The following HMG20A variants were observed in gnomAD, a reference collection of about 807,000 sequenced individuals.
HMG20A encodes high mobility group 20A, also known as high mobility group protein 20A.
In HMG20A, 17 loss-of-function variants were observed where a neutral mutation model predicts 43.9. The observed-to-expected ratio is 0.39, with a 90% CI of 0.27 to 0.58. HMG20A has a LOEUF of 0.58. HMG20A is among the 20% of genes least tolerant of loss of function. The pLI is 0.59. For synonymous variants in HMG20A, 132 were observed against 147.5 expected (o/e 0.89, Z 0.76); for missense variants, 341 against 438.2 (o/e 0.78, Z 1.98).
chr15:77,424,980 C>T (rs747053091), intron 1 of HMG20A, among the ~76,000 whole-genome samples: 7 of 152,108 alleles, frequency 4.6e-5, no homozygotes, highest in Admixed American at 1.3e-4. Flanking sequence ...CTGTACTGCA[C>T]CCAGCATTAA....
chr15:77,467,014 G>A, intron 3 of HMG20A, 81 bp from the exon 4 acceptor site: 1 of 1,167,590 alleles, frequency 8.6e-7, no homozygotes, highest in Non-Finnish European at 1.2e-6. Flanking sequence ...GTTTGTTGTT[G>A]TTTGTTTTTG....
the HMG20A span, among the ~76,000 whole-genome samples, chr15:77,494,923 C>G: frequency 6.6e-6 from 1 of 152,176 alleles, no homozygotes; most frequent in African/African-American, 2.4e-5. Context: ...AAAGATCATG[C>G]CTATTAAAGC....
chr15:77,477,657 T>G (rs775298399), intron 7 of HMG20A, 27 bp downstream of exon 7: 2 of 1,512,052 alleles, frequency 1.3e-6, no homozygotes, highest in East Asian at 2.3e-5. Flanking sequence ...CTTTTTGTGT[T>G]TCTCAGATTT....
chr15:77,427,937 G>A (rs913305092), intron 1 of HMG20A, among the ~76,000 whole-genome samples: 1 of 152,132 alleles, frequency 6.6e-6, no homozygotes, highest in African/African-American at 2.4e-5. Context: ...CCAGTAAGTG[G>A]TAGAGACAGG....
intron 4 of HMG20A, among the ~76,000 whole-genome samples, chr15:77,469,182 G>A (rs2072784055): frequency 6.6e-6 from 1 of 150,864 alleles, no homozygotes; most frequent in Non-Finnish European, 1.5e-5. Flanking sequence ...TGCTTACCTG[G>A]TACATTATTT....
At chr15:77,429,224 T>C (rs2142271262) in intron 1 of HMG20A, among the ~76,000 whole-genome samples, 1 of 152,108 alleles carries the variant, frequency 6.6e-6, no homozygotes, top group Non-Finnish European at 1.5e-5. Context: ...TTTTTGTTTT[T>C]TTTGTTTTTT....
At chr15:77,462,772 CT>C (rs71145836) in intron 2 of HMG20A, among the ~76,000 whole-genome samples, 2,723 of 127,700 alleles carry the variant, frequency 0.021, 24 homozygotes, top group African/African-American at 0.061. Flanking sequence ...TTTTCTTTTT[CT>C]TTTTTTTTTT....
chr15:77,500,455 T>G, the HMG20A span, among the ~76,000 whole-genome samples: 1 of 152,158 alleles, frequency 6.6e-6, no homozygotes, highest in Non-Finnish European at 1.5e-5. Flanking sequence ...TATCCCATAG[T>G]GGGTGGCGTA....
At chr15:77,427,836 A>G (rs980650339) in intron 1 of HMG20A, among the ~76,000 whole-genome samples, 1 of 152,240 alleles carries the variant, frequency 6.6e-6, no homozygotes, top group African/African-American at 2.4e-5. Context: ...GCTAGGCACT[A>G]CATGTTATCT....
intron 1 of HMG20A, among the ~76,000 whole-genome samples, chr15:77,447,329 T>G (rs1287242351): frequency 1.3e-5 from 2 of 152,200 alleles, no homozygotes; most frequent in African/African-American, 4.8e-5. Flanking sequence ...GAGGAAGTGT[T>G]TTTTATTTTC....
intron 1 of HMG20A, among the ~76,000 whole-genome samples, chr15:77,443,165 T>C (rs972941407): frequency 2.2e-4 from 33 of 150,916 alleles, no homozygotes; most frequent in African/African-American, 7.8e-4. Flanking sequence ...CCAGAGTAGC[T>C]GGGATTATAG....
intron 1 of HMG20A, among the ~76,000 whole-genome samples, chr15:77,433,238 C>T (rs947294288): frequency 4.7e-5 from 7 of 149,964 alleles, no homozygotes; most frequent in African/African-American, 1.7e-4. Flanking sequence ...GTCCTAGCTA[C>T]TCGGGAGGTA....
the HMG20A span, among the ~76,000 whole-genome samples, chr15:77,507,600 C>T: frequency 2.0e-4 from 30 of 152,222 alleles, no homozygotes; most frequent in African/African-American, 4.8e-5. Context: ...AGCCAAGCCA[C>T]GCGAAGGGCT....
At chr15:77,444,200 T>A (rs987006628) in intron 1 of HMG20A, among the ~76,000 whole-genome samples, 1 of 152,216 alleles carries the variant, frequency 6.6e-6, no homozygotes, top group African/African-American at 2.4e-5. Context: ...ATTTTACATA[T>A]AAGGGTATTG....
At chr15:77,461,683 G>T (rs1595924563) in intron 2 of HMG20A, among the ~76,000 whole-genome samples, 1 of 152,126 alleles carries the variant, frequency 6.6e-6, no homozygotes, top group African/African-American at 2.4e-5. Context: ...ATGGGATTGT[G>T]AATTCCCATG....
intron 2 of HMG20A, among the ~76,000 whole-genome samples, chr15:77,460,635 TA>T (rs1361600175): frequency 6.6e-6 from 1 of 152,156 alleles, no homozygotes; most frequent in Non-Finnish European, 1.5e-5. Context: ...GAGCACTCTG[TA>T]GATGGAAGAA....
chr15:77,426,708 T>C (rs910965780), intron 1 of HMG20A, among the ~76,000 whole-genome samples: 1 of 152,110 alleles, frequency 6.6e-6, no homozygotes, highest in Non-Finnish European at 1.5e-5. Context: ...TTTTATGGTA[T>C]GTGAATTATA....
rs145244431 is a variant in HMG20A at position 77,449,179 on chromosome 15, T to C, written c.-4-9225T>C. 2.1e-3 allele frequency among the ~76,000 whole-genome samples: 314 copies of C among 152,020 alleles called. 2 individuals are homozygous for C. The highest frequency in any genetic ancestry group is 5.7e-3 in the African/African-American group (238 of 41,470). ...GTGCCCAGCCAAACACACCCCTCCT[T>C]ATACCCTTCTCTTGAAGCAGCAAGC... is the stretch of plus-strand genomic sequence containing the variant. On this transcript the variant is annotated intron_variant, in intron 1 of 9. Coordinates refer to ENST00000336216, the MANE Select transcript of HMG20A (RefSeq NM_001304504.2).
At chr15:77,421,735 CATCTT>C (rs1280233412) in intron 1 of HMG20A, among the ~76,000 whole-genome samples, 1 of 152,202 alleles carries the variant, frequency 6.6e-6, no homozygotes, top group Non-Finnish European at 1.5e-5. Flanking sequence ...ATAAAATTGA[CATCTT>C]AAATTATTAG....
Sources: allele counts gnomAD v4.1 joint callset (sites outside exome capture counted in the v4.1 genomes callset), GRCh38; gene constraint gnomAD v4.1.1; transcripts MANE v1.5; gene names NCBI Gene and HGNC (gene_info 2026-07-23, HGNC 2026-07-21).